Variants in DYNC1I1 observed in about 807,000 individuals in gnomAD.
The protein encoded by DYNC1I1 is cytoplasmic dynein 1 intermediate chain 1.
A neutral mutation model predicts 86.6 loss-of-function variants in DYNC1I1; 43 were observed. That is an observed-to-expected ratio of 0.50 (90% CI 0.39 to 0.64). The LOEUF is 0.64. DYNC1I1 is among the 30% of genes least tolerant of loss of function. The pLI, the probability that DYNC1I1 is intolerant of heterozygous loss-of-function variation, is 0.00. For missense variants in DYNC1I1, 604 were observed against 788.8 expected (o/e 0.77, Z 2.81); for synonymous variants, 262 against 283.7 (o/e 0.92, Z 0.77).
chr7:95,988,788 A>G (rs1043767414), intron 9 of DYNC1I1, among the ~76,000 whole-genome samples: 4 of 152,200 alleles, frequency 2.6e-5, no homozygotes, highest in African/African-American at 9.7e-5. Context: ...TTTCTTATAT[A>G]CAAAGCACCA....
chr7:96,040,874 C>T (rs1465485386), intron 14 of DYNC1I1, among the ~76,000 whole-genome samples: 1 of 151,996 alleles, frequency 6.6e-6, no homozygotes, highest in African/African-American at 2.4e-5. Flanking sequence ...CAGCACACAC[C>T]ACCATGCCCA....
chr7:96,011,588 A>G (rs190813415), intron 10 of DYNC1I1, among the ~76,000 whole-genome samples: 4 of 152,296 alleles, frequency 2.6e-5, no homozygotes, highest in African/African-American at 7.2e-5. Flanking sequence ...GAAATATTCT[A>G]TTTGTACTTA....
chr7:95,850,706 G>T (rs1316310791), intron 5 of DYNC1I1, among the ~76,000 whole-genome samples: 1 of 152,126 alleles, frequency 6.6e-6, no homozygotes, highest in Non-Finnish European at 1.5e-5. Context: ...ACTAGCAAGG[G>T]TTTCCTTTTC....
chr7:96,109,120 C>T (rs1216624887), intron 16 of DYNC1I1, among the ~76,000 whole-genome samples: 1 of 151,606 alleles, frequency 6.6e-6, no homozygotes, highest in Non-Finnish European at 1.5e-5. Flanking sequence ...TTTTTCCCTC[C>T]TTTTCTGATT....
intron 1 of DYNC1I1, among the ~76,000 whole-genome samples, chr7:95,799,328 G>A (rs984840521): frequency 4.6e-5 from 7 of 152,104 alleles, no homozygotes; most frequent in African/African-American, 9.7e-5. Context: ...GCAGTGAGCC[G>A]AGATCGGGCC....
chr7:96,088,743 G>T (rs990360344), intron 16 of DYNC1I1, among the ~76,000 whole-genome samples: 15 of 152,024 alleles, frequency 9.9e-5, no homozygotes, highest in African/African-American at 3.4e-4. Context: ...TCAAATATCT[G>T]CTTATTCATG....
At chr7:96,087,208 C>T (rs1401486451) in intron 16 of DYNC1I1, among the ~76,000 whole-genome samples, 3 of 152,132 alleles carry the variant, frequency 2.0e-5, no homozygotes, top group Non-Finnish European at 4.4e-5. Context: ...AAATAATTCT[C>T]CTCCTTGAGG....
intron 6 of DYNC1I1, among the ~76,000 whole-genome samples, chr7:95,957,279 A>G (rs1792741582): frequency 6.6e-6 from 1 of 152,224 alleles, no homozygotes. Context: ...TTAGAAATTC[A>G]GTATCAGTGG....
At chr7:95,817,379 C>T (rs1163774259) in intron 4 of DYNC1I1, among the ~76,000 whole-genome samples, 3 of 152,084 alleles carry the variant, frequency 2.0e-5, no homozygotes, top group Non-Finnish European at 4.4e-5. Context: ...CAAGTTTCCA[C>T]AATGTATATC....
chr7:96,068,826 A>G (rs1485256080), intron 14 of DYNC1I1, among the ~76,000 whole-genome samples: 1 of 152,210 alleles, frequency 6.6e-6, no homozygotes, highest in Non-Finnish European at 1.5e-5. Context: ...TTATTTATAT[A>G]TAGGTGAAAT....
At position 96,097,526 on chromosome 7, in the gene DYNC1I1, C is replaced by T. The variant is rs1371107650; in HGVS notation, c.1820C>T (p.Thr607Ile). The T allele has an allele frequency of 1.9e-6, 3 of 1,613,770 alleles. No homozygotes were observed. The highest frequency in any genetic ancestry group is 2.2e-5 in the South Asian group (2 of 91,074). The change falls in exon 17 of 17, where the codon ACC (threonine) becomes ATC (isoleucine). Residue 607 changes from threonine (T) to isoleucine (I), a missense_variant. Thr to Ile is a moderately conservative substitution (Grantham distance 89). Transcript: ENST00000447467. Reference sequence around the variant, plus strand: ...GATGAATGGACCCGATTTGCCAGGACCCTTGTGGAAATTCGTGCTAACAGA... The same window carrying T: ...GATGAATGGACCCGATTTGCCAGGATCCTTGTGGAAATTCGTGCTAACAGA... The part of the protein sequence containing the change: ...HNDEWTRFAR[T>I]LVEIRANRAD...
At chr7:95,846,435 A>G (rs934243329) in intron 5 of DYNC1I1, among the ~76,000 whole-genome samples, 2 of 152,190 alleles carry the variant, frequency 1.3e-5, no homozygotes, top group Admixed American at 1.3e-4. Flanking sequence ...TGCCAAACTA[A>G]TATCTCTGCA....
chr7:95,984,937 T>G lies in DYNC1I1; in HGVS notation c.703T>G (p.Phe235Val). 6.2e-7 allele frequency: 1 copy of G among 1,612,428 alleles called. No individual in the cohort carries two copies. Among genetic ancestry groups the G allele is most frequent in the Non-Finnish European group, 8.5e-7 (1 of 1,179,266 alleles). ...AGCCCTGGCTGAAGATTCCGACATC[T>G]TTTTTGACTACAGCGGCCGAGAGTT... ...ERALAEDSDI[F>V]FDYSGRELEE... is the part of the protein sequence containing the mutation. The change falls in exon 8 of 17, where the codon TTT becomes GTT. Residue 235 changes from phenylalanine (F) to valine (V), a missense_variant. Coordinates refer to ENST00000447467, the MANE Select transcript of DYNC1I1 (RefSeq NM_001135556.2).
At chr7:96,061,712 T>TCACACACACACA (rs147547424) in intron 14 of DYNC1I1, among the ~76,000 whole-genome samples, 6 of 136,814 alleles carry the variant, frequency 4.4e-5, no homozygotes, top group African/African-American at 1.4e-4. Flanking sequence ...TCTCTCTCTC[T>TCACACACACACA]CACACACACA....
At chr7:95,852,581 A>G (rs1372785084) in intron 5 of DYNC1I1, among the ~76,000 whole-genome samples, 1 of 152,052 alleles carries the variant, frequency 6.6e-6, no homozygotes, top group Non-Finnish European at 1.5e-5. Flanking sequence ...ATCTTGGCTC[A>G]CTGCAACCTC....
intron 11 of DYNC1I1, among the ~76,000 whole-genome samples, chr7:96,032,041 T>C (rs557743941): frequency 7.9e-5 from 12 of 152,306 alleles, no homozygotes; most frequent in Middle Eastern, 3.4e-3. Context: ...AACGGTATTT[T>C]GAAAAATAAA....
rs1437724109 is a variant in DYNC1I1 at position 95,954,776 on chromosome 7, C to T, written c.491-22736C>T. Reference sequence around the variant, plus strand: ...AAAAAATACAAAATAATTAGCCAGGCGTGGTGGCGGGCGCCTGTAGTCCCA... The same window carrying T: ...AAAAAATACAAAATAATTAGCCAGGTGTGGTGGCGGGCGCCTGTAGTCCCA... On this transcript the variant is annotated intron_variant, in intron 6 of 16. Coordinates refer to ENST00000447467, the MANE Select transcript of DYNC1I1 (RefSeq NM_001135556.2). 9.2e-5 allele frequency among the ~76,000 whole-genome samples: 14 copies of T among 151,788 alleles called. No homozygotes were observed. In the East Asian group the frequency reaches 2.3e-3, roughly 25 times the overall value.
In DYNC1I1 at chr7:96,080,212, G is replaced by A. The variant is rs565807737; in HGVS notation, c.1651-151G>A. On this transcript the variant is annotated intron_variant, in intron 15 of 16. Transcript: ENST00000447467. ...GTGGAGCATATGATTTAAGAACAAT[G>A]AGCCCTTTTTCCCCCCGGCACAAGG... The A allele has an allele frequency of 8.6e-5, 81 of 946,662 alleles. No homozygotes were observed. In the African/African-American group the frequency reaches 1.3e-3, roughly 15 times the overall value. 58.6% of individuals were successfully genotyped at this position (946,662 alleles called of 1,614,324 possible).
intron 1 of DYNC1I1, among the ~76,000 whole-genome samples, chr7:95,802,526 TG>T (rs1456327842): frequency 6.6e-6 from 1 of 152,220 alleles, no homozygotes; most frequent in East Asian, 1.9e-4. Context: ...ATTTTTATTT[TG>T]TCACTTTTCT....
Sources: gnomAD v4.1 joint callset for allele counts (sites outside exome capture counted in the v4.1 genomes callset) on GRCh38, gnomAD v4.1.1 for gene constraint, MANE v1.5 for transcripts, NCBI Gene and HGNC (gene_info 2026-07-23, HGNC 2026-07-21) for gene names.